The following GPATCH8 variants were observed in gnomAD, a reference collection of about 807,000 sequenced individuals.
GPATCH8 encodes G-patch domain containing 8.
A neutral mutation model predicts 118.3 loss-of-function variants in GPATCH8; 18 were observed. That is an observed-to-expected ratio of 0.15 (90% CI 0.11 to 0.23). The LOEUF is 0.23. Ranked by LOEUF, GPATCH8 falls within the 10% of genes least tolerant of loss-of-function variation. The pLI is 1.00. For synonymous variants in GPATCH8, 659 were observed against 684.7 expected (o/e 0.96, Z 0.59); for missense variants, 1,631 against 1,873.8 (o/e 0.87, Z 2.39).
intron 3 of GPATCH8, among the ~76,000 whole-genome samples, chr17:44,447,975 ACT>A (rs1157533247): frequency 2.0e-5 from 3 of 152,006 alleles, no homozygotes; most frequent in African/African-American, 7.3e-5. Context: ...GGTCTCACTC[ACT>A]CTGTTGCCCC....
At chr17:44,423,235 G>A (rs1343907647) in intron 6 of GPATCH8, among the ~76,000 whole-genome samples, 3 of 152,034 alleles carry the variant, frequency 2.0e-5, no homozygotes, top group African/African-American at 4.8e-5. Context: ...GCAAAACTCC[G>A]TCTCAAAAAA....
chr17:44,448,135 A>C (rs971215509), intron 3 of GPATCH8, among the ~76,000 whole-genome samples: 18 of 152,196 alleles, frequency 1.2e-4, no homozygotes, highest in African/African-American at 4.1e-4. Context: ...TTTTGAAAGT[A>C]AATACCTTAA....
At chr17:44,426,833 A>G (rs2050104457) in intron 5 of GPATCH8, among the ~76,000 whole-genome samples, 1 of 130,188 alleles carries the variant, frequency 7.7e-6, no homozygotes, top group Admixed American at 8.4e-5. Context: ...GATCTCTTCA[A>G]CAACACACAC....
rs1444939457 is a variant in GPATCH8 at position 44,467,107 on chromosome 17, A to C, written c.121-2563T>G. 6.3e-6 allele frequency: 8 copies of C among 1,263,538 alleles called. No individual in the cohort carries two copies. The South Asian group carries it at 8.7e-5, about 14-fold the overall frequency. 78.3% of individuals were successfully genotyped at this position (1,263,538 alleles called of 1,614,324 possible). ...CATTTCCATACGAACCTGGCTTTAA[A>C]AACTGGGCTGTCAAAAGAACAGTTA... is the stretch of plus-strand genomic sequence containing the variant. On this transcript the variant is annotated intron_variant, in intron 2 of 7. Transcript: ENST00000591680.
intron 6 of GPATCH8, among the ~76,000 whole-genome samples, chr17:44,415,086 A>T (rs924022755): frequency 5.3e-5 from 8 of 152,204 alleles, no homozygotes; most frequent in African/African-American, 1.9e-4. Context: ...CCTTGGGTAT[A>T]TACTAGTAAT....
chr17:44,444,837 T>A (rs894813094), intron 3 of GPATCH8, among the ~76,000 whole-genome samples: 8 of 152,228 alleles, frequency 5.3e-5, no homozygotes, highest in African/African-American at 1.7e-4. Context: ...TATATCCATA[T>A]CTGACACAGT....
At chr17:44,469,584 T>A (rs1967110361) in intron 2 of GPATCH8, among the ~76,000 whole-genome samples, 1 of 152,198 alleles carries the variant, frequency 6.6e-6, no homozygotes, top group Non-Finnish European at 1.5e-5. Flanking sequence ...CACATTCAAT[T>A]TACATCATTT....
intron 3 of GPATCH8, among the ~76,000 whole-genome samples, chr17:44,441,794 C>T (rs1399761838): frequency 6.1e-5 from 9 of 146,562 alleles, no homozygotes; most frequent in South Asian, 4.4e-4. Flanking sequence ...TTTGGGAGGC[C>T]GAGGCGGGTG....
chr17:44,431,904 C>T (rs559673909), intron 5 of GPATCH8, among the ~76,000 whole-genome samples: 6 of 151,824 alleles, frequency 4.0e-5, no homozygotes, highest in Admixed American at 2.6e-4. Context: ...CCAGCATGGA[C>T]GACAGAGTGA....
intron 1 of GPATCH8, among the ~76,000 whole-genome samples, chr17:44,502,642 T>G (rs1321188930): frequency 6.6e-6 from 1 of 152,176 alleles, no homozygotes; most frequent in East Asian, 1.9e-4. Context: ...ATCATCACGC[T>G]TCTCACAAAT....
intron 6 of GPATCH8, 134 bp downstream of exon 6, chr17:44,424,215 T>G: frequency 1.4e-6 from 1 of 707,102 alleles, no homozygotes; most frequent in South Asian, 1.6e-5. Context: ...ACAAAGTGTG[T>G]TGGATGACTG....
At chr17:44,483,802 C>T (rs1169277739) in intron 1 of GPATCH8, among the ~76,000 whole-genome samples, 4 of 147,720 alleles carry the variant, frequency 2.7e-5, no homozygotes, top group East Asian at 4.0e-4. Flanking sequence ...CTACCAGGCT[C>T]GGCTAATTTT....
chr17:44,463,565 T>C (rs1389321540), intron 3 of GPATCH8, among the ~76,000 whole-genome samples: 1 of 152,114 alleles, frequency 6.6e-6, no homozygotes, highest in Non-Finnish European at 1.5e-5. Flanking sequence ...GTATTTTTAG[T>C]AGAGATGGGG....
chr17:44,487,924 T>TC (rs1968910669), intron 1 of GPATCH8, among the ~76,000 whole-genome samples: 1 of 146,754 alleles, frequency 6.8e-6, no homozygotes, highest in African/African-American at 2.5e-5. Flanking sequence ...CCAATTAGCT[T>TC]TTTTTTTTTT....
At chr17:44,416,151 G>A (rs1286187963) in intron 6 of GPATCH8, among the ~76,000 whole-genome samples, 1 of 152,166 alleles carries the variant, frequency 6.6e-6, no homozygotes, top group Non-Finnish European at 1.5e-5. Flanking sequence ...ACAGGCGTGT[G>A]CCACCACGCC....
chr17:44,410,877 C>G (rs2049403814), intron 6 of GPATCH8, among the ~76,000 whole-genome samples: 2 of 152,222 alleles, frequency 1.3e-5, no homozygotes. Flanking sequence ...TACCCATCCA[C>G]ATTAACTGTG....
chr17:44,446,998 C>T (rs1370302573), intron 3 of GPATCH8, among the ~76,000 whole-genome samples: 2 of 151,898 alleles, frequency 1.3e-5, no homozygotes, highest in African/African-American at 4.8e-5. Context: ...CCATGCCCAG[C>T]TAATTTCTTT....
intron 6 of GPATCH8, among the ~76,000 whole-genome samples, chr17:44,412,499 G>A (rs1324261922): frequency 1.3e-5 from 2 of 151,940 alleles, no homozygotes; most frequent in African/African-American, 2.4e-5. Flanking sequence ...TGATTCTCGG[G>A]CCTCAACCTC....
intron 1 of GPATCH8, among the ~76,000 whole-genome samples, chr17:44,478,486 C>T (rs191275292): frequency 1.1e-3 from 174 of 151,904 alleles, no homozygotes; most frequent in Non-Finnish European, 1.5e-3. Context: ...AAGACCTTGT[C>T]TATACAAAAA....
Sources: gnomAD v4.1 joint callset for allele counts (sites outside exome capture counted in the v4.1 genomes callset) on GRCh38, gnomAD v4.1.1 for gene constraint, MANE v1.5 for transcripts, NCBI Gene and HGNC (gene_info 2026-07-23, HGNC 2026-07-21) for gene names.